SEC14L5: variants seen among roughly 807,000 people sequenced by gnomAD.
The protein encoded by SEC14L5 is SEC14 like lipid binding 5.
A neutral mutation model predicts 84.6 loss-of-function variants in SEC14L5; 96 were observed. The observed-to-expected ratio is 1.13, with a 90% confidence interval of 0.96 to 1.34. SEC14L5 has a LOEUF of 1.34. SEC14L5 is among the 40% of genes most tolerant of loss of function. The probability of loss-of-function intolerance (pLI) is 0.00; values close to 1 mark genes in which losing one functional copy is unlikely to be tolerated. For missense variants in SEC14L5, 1,224 were observed against 942.5 expected (o/e 1.30, Z -3.91); for synonymous variants, 546 against 383.4 (o/e 1.42, Z -4.95).
chr16:4,964,467 T>C (rs933190291), intron 2 of SEC14L5, among the ~76,000 whole-genome samples: 4 of 151,982 alleles, frequency 2.6e-5, no homozygotes, highest in African/African-American at 9.7e-5. Context: ...ATGCTTGTAA[T>C]CCCAGCTAGT....
intron 13 of SEC14L5, 68 bp downstream of exon 13, chr16:5,007,554 A>G: frequency 7.4e-7 from 1 of 1,349,608 alleles, no homozygotes; most frequent in South Asian, 1.3e-5. Context: ...AGGTGACCCC[A>G]AAACACAGCT....
chr16:4,987,578 A>C lies in SEC14L5; in HGVS notation c.85A>C (p.Thr29Pro), dbSNP rs764176838. Reference sequence around the variant, plus strand: ...CCAGGCCTACGAGAAGCGTTTCCCCACGTGCCCACAGATCCCAGTCTTCCT... The same window carrying C: ...CCAGGCCTACGAGAAGCGTTTCCCCCCGTGCCCACAGATCCCAGTCTTCCT... ...VMAAYEKRFP[T>P]CPQIPVFLGS... The change falls in exon 3 of 16, where the codon ACG becomes CCG. Residue 29 changes from threonine (T) to proline (P), a missense_variant. By Grantham distance (38) the Thr-to-Pro change is conservative. Transcript: ENST00000251170. 1.7e-5 allele frequency: 26 copies of C among 1,555,586 alleles called. No individual in the cohort carries two copies. Among genetic ancestry groups the C allele is most frequent in the Non-Finnish European group, 2.2e-5 (25 of 1,152,600 alleles).
At chr16:4,971,184 C>T (rs1034863443) in intron 2 of SEC14L5, among the ~76,000 whole-genome samples, 6 of 151,644 alleles carry the variant, frequency 4.0e-5, no homozygotes, top group Non-Finnish European at 1.5e-5. Context: ...TGGCCAGGGG[C>T]GGTGGCTTAC....
At chr16:4,995,921 C>G (rs932289353) in intron 6 of SEC14L5, among the ~76,000 whole-genome samples, 2 of 152,278 alleles carry the variant, frequency 1.3e-5, no homozygotes, top group East Asian at 3.9e-4. Context: ...CCACCACTCA[C>G]AGCAGTTTTA....
In SEC14L5 at chr16:4,990,910, G is replaced by A. The variant is rs768089449; in HGVS notation, c.474+15G>A. On this transcript the variant is annotated intron_variant, in intron 5 of 15. Transcript: ENST00000251170. ...ACGTCAAGAGGGTAAGCGGTGGGTT[G>A]CGTTAGTTACTGGAGGAAGGTGCAC... 1 of 1,555,534 alleles carries A rather than the reference G, an allele frequency of 6.4e-7. No individual in the cohort carries two copies. Among genetic ancestry groups the A allele is most frequent in the Non-Finnish European group, 8.7e-7 (1 of 1,149,958 alleles).
At chr16:4,972,843 G>T (rs750153824) in intron 2 of SEC14L5, among the ~76,000 whole-genome samples, 2 of 152,130 alleles carry the variant, frequency 1.3e-5, no homozygotes, top group Non-Finnish European at 2.9e-5. Context: ...GTTTGCTCTT[G>T]TCCATTAAGA....
intron 5 of SEC14L5, 45 bp from the exon 6 acceptor site, chr16:4,991,793 C>T (rs1471768067): frequency 1.4e-6 from 2 of 1,385,984 alleles, no homozygotes; most frequent in East Asian, 2.5e-5. Context: ...GACCCCCCTC[C>T]ATCCTGCCCC....
In SEC14L5 at chr16:5,006,036, G is replaced by A. The variant is rs754523837; in HGVS notation, c.1425G>A (p.Gly475=). 1 of 1,613,736 alleles carries A rather than the reference G, an allele frequency of 6.2e-7. No homozygotes were observed. The highest frequency in any genetic ancestry group is 1.1e-5 in the South Asian group (1 of 91,050). The part of the protein sequence containing the change: ...LDREVIPDFL[G]GESVCNVPEG... The stretch of plus-strand genomic sequence containing the variant: ...GAGAAGTGATCCCTGACTTCCTTGG[G>A]GGAGAGAGTGTGGTGAGGCTTCCAT... Residue 475 remains glycine (G), a synonymous_variant, in exon 12 of 16, where the codon GGG becomes GGA. Coordinates refer to ENST00000251170, the MANE Select transcript of SEC14L5 (RefSeq NM_014692.2).
intron 2 of SEC14L5, among the ~76,000 whole-genome samples, chr16:4,976,913 G>A (rs1010616845): frequency 6.6e-6 from 1 of 152,198 alleles, no homozygotes; most frequent in Non-Finnish European, 1.5e-5. Context: ...GGAGCCGGCA[G>A]CTGAGGCTCT....
intron 3 of SEC14L5, 24 bp from the exon 4 acceptor site, chr16:4,988,125 G>A (rs1261494476): frequency 7.3e-6 from 8 of 1,092,956 alleles, no homozygotes; most frequent in African/African-American, 6.4e-5. Context: ...ACCCACCTCC[G>A]CCTCCCCGCC....
intron 2 of SEC14L5, among the ~76,000 whole-genome samples, chr16:4,975,587 G>T (rs1955330618): frequency 2.0e-5 from 3 of 152,032 alleles, no homozygotes; most frequent in Admixed American, 2.0e-4. Flanking sequence ...GGGCGTTTGG[G>T]TTGGCTCCAT....
intron 2 of SEC14L5, among the ~76,000 whole-genome samples, chr16:4,969,398 T>G (rs1955247129): frequency 6.6e-6 from 1 of 152,180 alleles, no homozygotes; most frequent in Non-Finnish European, 1.5e-5. Context: ...TTCTTTTTTT[T>G]TTTTGAGACA....
At chr16:5,007,607 T>TTTC (rs1491132388) in intron 13 of SEC14L5, 121 bp downstream of exon 13, 783 of 74,768 alleles carry the variant, frequency 0.01, 1 homozygote, top group African/African-American at 0.034. Flanking sequence ...TCTTTCTTTC[T>TTTC]TTTTTTTTTT....
rs1355138275 is a variant in SEC14L5 at position 5,015,466 on chromosome 16, A to G, written c.*496A>G. 6.3e-6 allele frequency: 1 copy of G among 157,822 alleles called. No homozygotes were observed. The highest frequency in any genetic ancestry group is 1.8e-4 in the East Asian group (1 of 5,422). 9.8% of individuals were successfully genotyped at this position (157,822 alleles called of 1,614,324 possible). ...GATTGCCAGGTCAATTCCTGAACCA[A>G]TCACAGTTGCCAGGCACACTGGAGA... On this transcript the variant is annotated 3_prime_UTR_variant, in exon 16 of 16. Coordinates refer to ENST00000251170, the MANE Select transcript of SEC14L5 (RefSeq NM_014692.2).
intron 2 of SEC14L5, among the ~76,000 whole-genome samples, chr16:4,984,097 A>G (rs1169312186): frequency 2.0e-5 from 3 of 152,154 alleles, no homozygotes; most frequent in Non-Finnish European, 4.4e-5. Flanking sequence ...AATATTGTGC[A>G]AGCTTCACCG....
At chr16:5,014,733 C>A in intron 15 of SEC14L5, 126 bp from the exon 16 acceptor site, 1 of 662,748 alleles carries the variant, frequency 1.5e-6, no homozygotes, top group South Asian at 1.9e-5. Flanking sequence ...ACTTGCTTTT[C>A]CCTTTGCATC....
chr16:4,991,480 C>G (rs775995864), intron 5 of SEC14L5, among the ~76,000 whole-genome samples: 1 of 151,824 alleles, frequency 6.6e-6, no homozygotes, highest in East Asian at 1.9e-4. Context: ...GCAGGAGGAT[C>G]TCTTGATCCT....
Position 4,991,939 on chromosome 16 carries a change from C to T in SEC14L5, c.576C>T (p.Arg192=), listed in dbSNP as rs1355004680. 1.2e-6 allele frequency: 2 copies of T among 1,602,754 alleles called. No individual in the cohort carries two copies. Among genetic ancestry groups the T allele is most frequent in the East Asian group, 2.2e-5 (1 of 44,660 alleles). Reference sequence around the variant, plus strand: ...CCCCAGTCCGTGAGGAGGATGCCCGCAACCAGGCTGGACCGAGGGACCCCA... The same window carrying T: ...CCCCAGTCCGTGAGGAGGATGCCCGTAACCAGGCTGGACCGAGGGACCCCA... The part of the protein sequence containing the change: ...TPAPVREEDA[R]NQAGPRDPSS... The change falls in exon 6 of 16, where the codon CGC becomes CGT. Residue 192 remains arginine, a synonymous_variant. Coordinates refer to ENST00000251170, the MANE Select transcript of SEC14L5 (RefSeq NM_014692.2).
rs904747522 is a variant in SEC14L5, at chr16:4,987,533, C to T, written c.64-24C>T. ...GTCCCTCTGCCCCCCCCACCACGGC[C>T]GCTCACTGCCGCTCTGCCCCCAGGC... On this transcript the variant is annotated intron_variant, in intron 2 of 15. Transcript: ENST00000251170. 5.9e-6 allele frequency: 9 copies of T among 1,521,086 alleles called. No individual in the cohort carries two copies. The African/African-American group carries it at 8.6e-5, about 15-fold the overall frequency. 94.2% of individuals were successfully genotyped at this position (1,521,086 alleles called of 1,614,324 possible).
Sources: allele counts gnomAD v4.1 joint callset (sites outside exome capture counted in the v4.1 genomes callset), GRCh38; gene constraint gnomAD v4.1.1; transcripts MANE v1.5; gene names NCBI Gene and HGNC (gene_info 2026-07-23, HGNC 2026-07-21).